Variants in EIF4G3 observed in about 807,000 individuals in gnomAD.
EIF4G3 encodes eIF-4-gamma 3.
In EIF4G3, 34 loss-of-function variants were observed where a neutral mutation model predicts 186.4. The observed-to-expected ratio is 0.18, with a 90% confidence interval of 0.14 to 0.24. The LOEUF is 0.24. EIF4G3 is among the 10% of genes least tolerant of loss of function. The probability of loss-of-function intolerance (pLI) is 1.00; values close to 1 mark genes in which losing one functional copy is unlikely to be tolerated. For synonymous variants in EIF4G3, 673 were observed against 679.5 expected, an observed-to-expected ratio of 0.99 and a Z score of 0.15; for missense variants, 1,536 against 1,948.5, an observed-to-expected ratio of 0.79 and a Z score of 3.99.
At chr1:20,862,379 G>T (rs764654973) in intron 22 of EIF4G3, 47 bp from the exon 23 acceptor site, 3 of 1,138,910 alleles carry the variant, frequency 2.6e-6, no homozygotes, top group Non-Finnish European at 3.8e-6. Context: ...AAACTTAAAC[G>T]TAATTTTACC....
intron 11 of EIF4G3, among the ~76,000 whole-genome samples, chr1:20,971,554 T>C (rs1390228690): frequency 6.6e-6 from 1 of 152,258 alleles, no homozygotes; most frequent in African/African-American, 2.4e-5. Context: ...CATTGTCATG[T>C]CCTGTTCATT....
chr1:20,990,801 T>A (rs151151888), intron 7 of EIF4G3, among the ~76,000 whole-genome samples: 2 of 152,338 alleles, frequency 1.3e-5, no homozygotes, highest in African/African-American at 4.8e-5. Context: ...ATTCACGACT[T>A]GCTTTATTGC....
chr1:20,810,944 A>G lies in EIF4G3; in HGVS notation c.4598-60T>C. 6.6e-7 allele frequency: 1 copy of G among 1,523,856 alleles called. No homozygotes were observed. The highest frequency in any genetic ancestry group is 8.9e-7 in the Non-Finnish European group (1 of 1,121,778). The allele number at this position is 1,523,856 out of a possible 1,614,324, so 94.4% of individuals were successfully genotyped here. The stretch of plus-strand genomic sequence containing the variant: ...AGGAGTTAACATAGAATTATCTTTA[A>G]TTTTCTTTCTTTTTTCTTTTTTTGA... On this transcript the variant is annotated intron_variant, in intron 35 of 36. Transcript: ENST00000602326. This position sits in a 1 kb window ranked among gnomAD's most constrained non-coding sequence, Gnocchi z 4.1.
At chr1:20,967,163 C>T (rs910391088) in intron 12 of EIF4G3, among the ~76,000 whole-genome samples, 6 of 152,102 alleles carry the variant, frequency 3.9e-5, no homozygotes, top group African/African-American at 1.2e-4. Flanking sequence ...AGGGTGGGAA[C>T]CAAGCTTGGA....
chr1:20,943,974 TTGTG>T lies in EIF4G3; in HGVS notation c.824-1648_824-1645del, dbSNP rs1163268356. Among the ~76,000 whole-genome samples the T allele has an allele frequency of 9.3e-4, 58 of 62,522 alleles. 1 individual carries two copies. The highest frequency in any genetic ancestry group is 2.7e-3 in the African/African-American group (49 of 18,282). The allele number at this position is 62,522 out of a possible 152,430, so 41.0% of individuals were successfully genotyped here. On this transcript the variant is annotated intron_variant, in intron 13 of 36. Transcript: ENST00000602326. The stretch of plus-strand genomic sequence containing the variant: ...TCAGGAAAACTTGTCTTTATTTTTT[TTGTG>T]TGTGTGTGTGTGTGTGTGTGTGTGT...
At chr1:20,820,832 C>A (rs2062161204) in intron 33 of EIF4G3, among the ~76,000 whole-genome samples, 1 of 151,960 alleles carries the variant, frequency 6.6e-6, no homozygotes, top group South Asian at 2.1e-4. Context: ...GGTACCCTCT[C>A]CTCTGAGAGC....
Position 21,054,170 on chromosome 1 carries a change from C to G in EIF4G3, c.-195-3176G>C, listed in dbSNP as rs1406364466. Among the ~76,000 whole-genome samples, 10 of 151,616 alleles carry G rather than the reference C, an allele frequency of 6.6e-5. No homozygotes were observed. In the East Asian group the frequency reaches 1.9e-3, roughly 29 times the overall value. ...GGATCCTGTTGATCTGTGACCTTAC[C>G]CCCAACCCTGTGCTCTCTGAAACAT... is the stretch of plus-strand genomic sequence containing the variant. On this transcript the variant is annotated intron_variant, in intron 3 of 36. Transcript: ENST00000602326.
intron 14 of EIF4G3, among the ~76,000 whole-genome samples, chr1:20,939,847 GTT>G (rs538504683): frequency 1.1e-5 from 1 of 89,914 alleles, no homozygotes; most frequent in African/African-American, 4.0e-5. Flanking sequence ...AAGTTGTTTA[GTT>G]TTTTTTTTTT....
At chr1:20,914,503 A>C (rs2093643543) in intron 14 of EIF4G3, among the ~76,000 whole-genome samples, 1 of 152,174 alleles carries the variant, frequency 6.6e-6, no homozygotes, top group South Asian at 2.1e-4. Flanking sequence ...TCTTCCACAG[A>C]GCCTCCAGAG....
At chr1:21,093,012 G>C (rs953830071) in intron 2 of EIF4G3, among the ~76,000 whole-genome samples, 1 of 152,108 alleles carries the variant, frequency 6.6e-6, no homozygotes, top group Admixed American at 6.5e-5. Context: ...AGAAAACCTA[G>C]GCAATACCAT....
At chr1:20,852,629 A>G (rs1275579260) in intron 27 of EIF4G3, among the ~76,000 whole-genome samples, 1 of 152,146 alleles carries the variant, frequency 6.6e-6, no homozygotes, top group African/African-American at 2.4e-5. Context: ...GGCAGACCAG[A>G]AGCAGCAAAT....
intron 4 of EIF4G3, among the ~76,000 whole-genome samples, chr1:21,024,785 C>G (rs2091788123): frequency 6.7e-6 from 1 of 149,318 alleles, no homozygotes; most frequent in African/African-American, 2.5e-5. Context: ...CCTAGGAAAA[C>G]CAGAGACCTT....
Position 20,851,438 on chromosome 1 carries a change from G to A in EIF4G3, c.3592C>T (p.Pro1198Ser). Residue 1198 changes from proline (P) to serine (S), a missense_variant, in exon 28 of 37, where the codon CCA becomes TCA. Transcript: ENST00000602326. ...MGREKNDKPLPSATARPNTFM... is the reference protein window; with the variant it reads ...MGREKNDKPLSSATARPNTFM... ...GTATTTGGCCGAGCTGTTGCAGATG[G>A]AAGGGGCTTGTCATTCTTCTCCCTG... 6.2e-7 allele frequency: 1 copy of A among 1,614,136 alleles called. No individual in the cohort carries two copies. Among genetic ancestry groups the A allele is most frequent in the Non-Finnish European group, 8.5e-7 (1 of 1,180,024 alleles).
At chr1:20,978,492 T>TAAACAAA (rs2077299200) in intron 10 of EIF4G3, among the ~76,000 whole-genome samples, 1 of 152,122 alleles carries the variant, frequency 6.6e-6, no homozygotes, top group African/African-American at 2.4e-5. Flanking sequence ...CTGAAAATAC[T>TAAACAAA]AAACAAAAGA....
chr1:20,912,979 G>A, intron 14 of EIF4G3, among the ~76,000 whole-genome samples: 1 of 152,164 alleles, frequency 6.6e-6, no homozygotes, highest in East Asian at 1.9e-4. Context: ...AAGATGTAAT[G>A]ACCTGAAAAG....
intron 13 of EIF4G3, among the ~76,000 whole-genome samples, chr1:20,947,663 G>A (rs1558384116): frequency 6.6e-6 from 1 of 152,090 alleles, no homozygotes; most frequent in Admixed American, 6.6e-5. Context: ...TTAGTTTTCT[G>A]GTGAATAGTT....
chr1:20,822,673 C>T (rs971673014), intron 33 of EIF4G3, among the ~76,000 whole-genome samples: 8 of 151,212 alleles, frequency 5.3e-5, no homozygotes, highest in Admixed American at 1.3e-4. Flanking sequence ...ATCTTCCTGC[C>T]TTGGCCTCCC....
chr1:21,049,298 C>T (rs1175787239), intron 4 of EIF4G3, among the ~76,000 whole-genome samples: 1 of 152,130 alleles, frequency 6.6e-6, no homozygotes, highest in Non-Finnish European at 1.5e-5. Context: ...AGAAAGGCTC[C>T]CTATCTGAGC....
chr1:21,030,785 T>C (rs2092667798), intron 4 of EIF4G3, among the ~76,000 whole-genome samples: 1 of 152,234 alleles, frequency 6.6e-6, no homozygotes, highest in Admixed American at 6.5e-5. Context: ...AAAGCCACAG[T>C]GGCTCTAATA....
Sources: allele counts gnomAD v4.1 joint callset (sites outside exome capture counted in the v4.1 genomes callset), GRCh38; gene constraint gnomAD v4.1.1; non-coding constraint Gnocchi (gnomAD v3.1); transcripts MANE v1.5; gene names NCBI Gene and HGNC (gene_info 2026-07-23, HGNC 2026-07-21).